The following HCRTR2 variants were observed in gnomAD, a reference collection of about 807,000 sequenced individuals.
HCRTR2 encodes the protein orexin receptor type 2.
A neutral mutation model predicts 49.0 loss-of-function variants in HCRTR2; 22 were observed. The ratio of observed to expected loss-of-function variants is 0.45; its 90% CI spans 0.32 to 0.64. The LOEUF is 0.64. Among genes scored for constraint, HCRTR2 ranks in the 30% least tolerant of loss-of-function variants. The probability of loss-of-function intolerance (pLI) is 0.04; values close to 1 mark genes in which losing one functional copy is unlikely to be tolerated. For synonymous variants in HCRTR2, 236 were observed against 205.3 expected (o/e 1.15, Z -1.28); for missense variants, 491 against 559.4 (o/e 0.88, Z 1.23).
At chr6:55,278,571 G>A (rs1339273697) in intron 5 of HCRTR2, among the ~76,000 whole-genome samples, 1 of 151,968 alleles carries the variant, frequency 6.6e-6, no homozygotes, top group African/African-American at 2.4e-5. Flanking sequence ...AGAAGAAATG[G>A]AGAACAAACT....
At chr6:55,190,226 G>A (rs192308393) in intron 1 of HCRTR2, among the ~76,000 whole-genome samples, 17 of 152,252 alleles carry the variant, frequency 1.1e-4, no homozygotes, top group African/African-American at 4.1e-4. Context: ...AACAGACGAA[G>A]CTCCTTCTTG....
intron 1 of HCRTR2, among the ~76,000 whole-genome samples, chr6:55,125,902 G>A (rs567066863): frequency 1.4e-4 from 21 of 151,564 alleles, no homozygotes; most frequent in Admixed American, 2.6e-4. Context: ...CCACTTGATC[G>A]ATTCAGCGAT....
At chr6:55,249,891 G>A (rs1264301552) in intron 2 of HCRTR2, among the ~76,000 whole-genome samples, 4 of 151,924 alleles carry the variant, frequency 2.6e-5, no homozygotes, top group South Asian at 2.1e-4. Flanking sequence ...CAGTTTTTAC[G>A]CCATGCAGTC....
At chr6:55,208,884 C>T (rs976342408) in intron 1 of HCRTR2, among the ~76,000 whole-genome samples, 24 of 152,262 alleles carry the variant, frequency 1.6e-4, no homozygotes, top group African/African-American at 5.5e-4. Flanking sequence ...TGTGTAAAAG[C>T]ATTATTTGGG....
intron 4 of HCRTR2, among the ~76,000 whole-genome samples, chr6:55,275,096 T>C (rs1722432483): frequency 6.6e-6 from 1 of 152,202 alleles, no homozygotes; most frequent in Non-Finnish European, 1.5e-5. Flanking sequence ...GTTTGTAGCA[T>C]GTTTGCCTCT....
intron 1 of HCRTR2, among the ~76,000 whole-genome samples, chr6:55,150,160 G>T (rs962197143): frequency 2.6e-5 from 4 of 151,596 alleles, no homozygotes; most frequent in African/African-American, 9.7e-5. Flanking sequence ...ATTTTATTAA[G>T]ATATTATTGA....
At chr6:55,127,309 C>A (rs1288219527) in intron 1 of HCRTR2, among the ~76,000 whole-genome samples, 3 of 152,032 alleles carry the variant, frequency 2.0e-5, no homozygotes, top group Non-Finnish European at 4.4e-5. Context: ...CCTCACGGCT[C>A]CCTCAGGTAG....
chr6:55,115,633 A>T (rs968404489), intron 1 of HCRTR2, among the ~76,000 whole-genome samples: 22 of 151,732 alleles, frequency 1.4e-4, no homozygotes, highest in African/African-American at 5.3e-4. Flanking sequence ...AATGGTAGTT[A>T]CCATTTTTAT....
chr6:55,262,086 T>A (rs909985138), intron 3 of HCRTR2, among the ~76,000 whole-genome samples: 4 of 151,530 alleles, frequency 2.6e-5, no homozygotes, highest in African/African-American at 4.9e-5. Context: ...GGCATAAGAA[T>A]GATAAAATGG....
intron 1 of HCRTR2, among the ~76,000 whole-genome samples, chr6:55,221,812 C>CAAA (rs140340337): frequency 2.3e-5 from 3 of 128,050 alleles, no homozygotes; most frequent in Admixed American, 7.9e-5. Flanking sequence ...GACTCCATCT[C>CAAA]AAAAAAAAAA....
intron 1 of HCRTR2, among the ~76,000 whole-genome samples, chr6:55,115,506 GTGT>G (rs1764104353): frequency 7.3e-6 from 1 of 136,294 alleles, no homozygotes; most frequent in Admixed American, 7.4e-5. Flanking sequence ...GTGTGTGTGT[GTGT>G]GTGGTAGTAG....
chr6:55,147,316 C>A (rs1300725504), intron 1 of HCRTR2, among the ~76,000 whole-genome samples: 1 of 152,074 alleles, frequency 6.6e-6, no homozygotes, highest in South Asian at 2.1e-4. Flanking sequence ...TGTTGTTACT[C>A]TTTCTAGTGA....
chr6:55,230,709 G>A (rs1379633875), intron 1 of HCRTR2, among the ~76,000 whole-genome samples: 2 of 152,106 alleles, frequency 1.3e-5, no homozygotes, highest in African/African-American at 2.4e-5. Flanking sequence ...ACATGTGTAA[G>A]GCATATTTGC....
chr6:55,121,411 C>G (rs1581782434), intron 1 of HCRTR2, among the ~76,000 whole-genome samples: 1 of 152,154 alleles, frequency 6.6e-6, no homozygotes, highest in East Asian at 1.9e-4. Context: ...ACAATCATGT[C>G]ATCTGCAAGC....
chr6:55,125,996 G>T (rs1764270692), intron 1 of HCRTR2, among the ~76,000 whole-genome samples: 1 of 151,818 alleles, frequency 6.6e-6, no homozygotes, highest in South Asian at 2.1e-4. Flanking sequence ...TAAGCTGGTT[G>T]TTCTAGTTAG....
At chr6:55,118,669 A>G (rs1265874050) in intron 1 of HCRTR2, among the ~76,000 whole-genome samples, 1 of 151,604 alleles carries the variant, frequency 6.6e-6, no homozygotes, top group Non-Finnish European at 1.5e-5. Context: ...GAGCTTTTTT[A>G]TTTATATGAT....
intron 1 of HCRTR2, among the ~76,000 whole-genome samples, chr6:55,131,403 A>G (rs1388250484): frequency 6.6e-6 from 1 of 151,804 alleles, no homozygotes; most frequent in Non-Finnish European, 1.5e-5. Context: ...TCCAAAGATG[A>G]TTTAATTTGT....
intron 1 of HCRTR2, among the ~76,000 whole-genome samples, chr6:55,242,131 A>G (rs946178640): frequency 4.6e-5 from 7 of 151,948 alleles, no homozygotes; most frequent in Admixed American, 6.6e-5. Context: ...CGGCCTCCCA[A>G]AGTGCTGGGA....
chr6:55,133,443 CAA>C (rs199891576), intron 1 of HCRTR2, among the ~76,000 whole-genome samples: 1,670 of 151,658 alleles, frequency 0.011, 19 homozygotes, highest in South Asian at 0.021. Context: ...GGGTATGCAT[CAA>C]GTTAGGAATA....
Sources: allele counts gnomAD v4.1 joint callset (sites outside exome capture counted in the v4.1 genomes callset), GRCh38; gene constraint gnomAD v4.1.1; transcripts MANE v1.5; gene names NCBI Gene and HGNC (gene_info 2026-07-23, HGNC 2026-07-21).